LIN28B: variants seen among roughly 807,000 people sequenced by gnomAD.
LIN28B encodes the protein protein lin-28 homolog B.
In LIN28B, 5 loss-of-function variants were observed where a neutral mutation model predicts 21.9. That is an observed-to-expected ratio of 0.23 (90% confidence interval 0.12 to 0.48). The LOEUF is 0.48. Among genes scored for constraint, LIN28B ranks in the 20% least tolerant of loss-of-function variants. The probability of loss-of-function intolerance (pLI) is 0.98; values close to 1 mark genes in which losing one functional copy is unlikely to be tolerated. For synonymous variants in LIN28B, 109 were observed against 111.3 expected, an observed-to-expected ratio of 0.98 and a Z score of 0.13; for missense variants, 245 against 310.5, an observed-to-expected ratio of 0.79 and a Z score of 1.58.
chr6:105,083,242 C>T lies in LIN28B; in HGVS notation c.*4459C>T, dbSNP rs911197031. On this transcript the variant is annotated 3_prime_UTR_variant, in exon 4 of 4. Transcript: ENST00000345080. Reference sequence around the variant, plus strand: ...CACTCTGGGTTTTATATTCTCATTTCATGCCTAATGTCTTATTCTGTCAAT... The same window carrying T: ...CACTCTGGGTTTTATATTCTCATTTTATGCCTAATGTCTTATTCTGTCAAT... 3 of 152,414 alleles carry T rather than the reference C, an allele frequency of 2.0e-5. No individual in the cohort carries two copies. The highest frequency in any genetic ancestry group is 7.2e-5 in the African/African-American group (3 of 41,448). The allele number at this position is 152,414 out of a possible 1,614,324, so 9.4% of individuals were successfully genotyped here. A position where few individuals can be genotyped will look rare whatever the true frequency, so the allele number is the denominator to read the frequency against.
intron 3 of LIN28B, among the ~76,000 whole-genome samples, chr6:105,073,077 G>A (rs1470309870): frequency 6.6e-6 from 1 of 152,104 alleles, no homozygotes; most frequent in Non-Finnish European, 1.5e-5. Context: ...TTGCTTGTCA[G>A]CTCTCTGTGG....
intron 2 of LIN28B, among the ~76,000 whole-genome samples, chr6:105,020,163 G>T (rs973957188): frequency 1.4e-5 from 2 of 144,114 alleles, no homozygotes; most frequent in Non-Finnish European, 3.0e-5. Flanking sequence ...GCCCAGGTTG[G>T]AGTGCAGTGG....
At chr6:104,997,302 A>AAAAAG (rs981855597) in intron 2 of LIN28B, among the ~76,000 whole-genome samples, 2 of 120,806 alleles carry the variant, frequency 1.7e-5, no homozygotes, top group Non-Finnish European at 1.9e-5. Context: ...AAAAGAAAAG[A>AAAAAG]AAAAGAAAAG....
chr6:105,002,924 G>GA (rs1582889648), intron 2 of LIN28B, among the ~76,000 whole-genome samples: 1 of 152,272 alleles, frequency 6.6e-6, no homozygotes, highest in East Asian at 1.9e-4. Flanking sequence ...GCATTGTATA[G>GA]ATAGTGAAAA....
intron 2 of LIN28B, among the ~76,000 whole-genome samples, chr6:104,982,015 TAAG>T (rs1033936049): frequency 7.9e-5 from 12 of 152,248 alleles, no homozygotes; most frequent in Admixed American, 5.9e-4. Flanking sequence ...AGGATTATCA[TAAG>T]AAGAAGGAAT....
intron 3 of LIN28B, among the ~76,000 whole-genome samples, chr6:105,065,599 A>G (rs1582929259): frequency 6.6e-6 from 1 of 152,222 alleles, no homozygotes; most frequent in African/African-American, 2.4e-5. Context: ...GACCAAACTT[A>G]TCGATCATTA....
chr6:105,063,109 T>C (rs915693380), intron 3 of LIN28B, among the ~76,000 whole-genome samples: 3 of 152,186 alleles, frequency 2.0e-5, no homozygotes, highest in Non-Finnish European at 4.4e-5. Context: ...AGAAATAATA[T>C]TGTTTACTCA....
intron 2 of LIN28B, among the ~76,000 whole-genome samples, chr6:104,969,793 G>A (rs1370979327): frequency 6.6e-6 from 1 of 152,118 alleles, no homozygotes; most frequent in Admixed American, 6.5e-5. Context: ...TTATTTTGAT[G>A]TGCTTAATTT....
Position 105,063,648 on chromosome 6 carries a change from G to GGA in LIN28B, c.384-14766_384-14765insGA, listed in dbSNP as rs1491125302. ...AAGACTCCATCTCGGGGGGGGGGGGGAAAAAAAGGTAAAGTAAAGGATAAT... is the reference window on the plus strand; with the variant it reads ...AAGACTCCATCTCGGGGGGGGGGGGGGAAAAAAAAGGTAAAGTAAAGGATAAT... On this transcript the variant is annotated intron_variant, in intron 3 of 3. Coordinates refer to ENST00000345080, the MANE Select transcript of LIN28B (RefSeq NM_001004317.4). 1.6e-4 allele frequency among the ~76,000 whole-genome samples: 21 copies of GGA among 133,308 alleles called. 1 individual carries two copies. The highest frequency in any genetic ancestry group is 2.5e-4 in the South Asian group (1 of 4,040). The allele number at this position is 133,308 out of a possible 152,430, so 87.5% of individuals were successfully genotyped here.
intron 2 of LIN28B, among the ~76,000 whole-genome samples, chr6:104,989,083 A>G (rs1052104075): frequency 1.3e-5 from 2 of 152,076 alleles, no homozygotes; most frequent in African/African-American, 4.8e-5. Flanking sequence ...CTCTGTCTTG[A>G]TTAATCTTGC....
At chr6:104,943,254 T>TCTTA (rs1778117512) in intron 2 of LIN28B, among the ~76,000 whole-genome samples, 1 of 152,166 alleles carries the variant, frequency 6.6e-6, no homozygotes, top group Non-Finnish European at 1.5e-5. Context: ...ATTAAATAGA[T>TCTTA]CTTACCTGCC....
At chr6:105,073,627 A>G (rs972653111) in intron 3 of LIN28B, among the ~76,000 whole-genome samples, 2 of 152,188 alleles carry the variant, frequency 1.3e-5, no homozygotes, top group African/African-American at 4.8e-5. Flanking sequence ...GAGTTTACAT[A>G]TAAATTCTTA....
chr6:105,010,926 G>A (rs1044015841), intron 2 of LIN28B, among the ~76,000 whole-genome samples: 1 of 151,968 alleles, frequency 6.6e-6, no homozygotes, highest in African/African-American at 2.4e-5. Context: ...AGTTAATTTT[G>A]TCTGTTCTAG....
chr6:104,989,016 T>C (rs1770405623), intron 2 of LIN28B, among the ~76,000 whole-genome samples: 1 of 152,216 alleles, frequency 6.6e-6, no homozygotes, highest in South Asian at 2.1e-4. Flanking sequence ...TCATACTTTC[T>C]ATATGATCTG....
chr6:104,991,740 C>G (rs567789237), intron 2 of LIN28B, among the ~76,000 whole-genome samples: 1 of 152,202 alleles, frequency 6.6e-6, no homozygotes, highest in Non-Finnish European at 1.5e-5. Context: ...ACTGAGTGAA[C>G]GAGACTCCGT....
At chr6:104,986,374 T>C (rs200401786) in intron 2 of LIN28B, among the ~76,000 whole-genome samples, 1 of 40,474 alleles carries the variant, frequency 2.5e-5, no homozygotes, top group South Asian at 1.3e-3. Flanking sequence ...CCTTTTTATC[T>C]ATCCTTGCTC....
intron 3 of LIN28B, among the ~76,000 whole-genome samples, chr6:105,065,525 A>T (rs1366251442): frequency 6.6e-6 from 1 of 152,246 alleles, no homozygotes; most frequent in Non-Finnish European, 1.5e-5. Context: ...AAATGGACAG[A>T]GGTCATTTAC....
chr6:104,971,304 C>A (rs1769973812), intron 2 of LIN28B, among the ~76,000 whole-genome samples: 1 of 151,934 alleles, frequency 6.6e-6, no homozygotes, highest in South Asian at 2.1e-4. Flanking sequence ...TATTTTATTT[C>A]AATGAGTATT....
chr6:105,063,661 A>AG (rs1772170287), intron 3 of LIN28B, among the ~76,000 whole-genome samples: 2 of 150,608 alleles, frequency 1.3e-5, no homozygotes, highest in African/African-American at 4.9e-5. Context: ...AAAAAGGTAA[A>AG]GTAAAGGATA....
Sources: gnomAD v4.1 joint callset for allele counts (sites outside exome capture counted in the v4.1 genomes callset) on GRCh38, gnomAD v4.1.1 for gene constraint, MANE v1.5 for transcripts, NCBI Gene and HGNC (gene_info 2026-07-23, HGNC 2026-07-21) for gene names.